Variants in NSUN3 observed in about 807,000 individuals in gnomAD.
The protein encoded by NSUN3 is NOP2/Sun RNA methyltransferase 3, also known as tRNA (cytosine(34)-C(5))-methyltransferase, mitochondrial.
A neutral mutation model predicts 36.8 loss-of-function variants in NSUN3; 24 were observed. The ratio of observed to expected loss-of-function variants is 0.65; its 90% CI spans 0.47 to 0.92. NSUN3 has a LOEUF of 0.92. Ranked by LOEUF, NSUN3 falls within the 40% of genes least tolerant of loss-of-function variation. NSUN3 has a pLI of 0.00. For synonymous variants in NSUN3, 146 were observed against 145.2 expected, an observed-to-expected ratio of 1.01 and a Z score of -0.04; for missense variants, 381 against 392.8, an observed-to-expected ratio of 0.97 and a Z score of 0.25.
chr3:94,079,309 A>T (rs2077259126), intron 2 of NSUN3, among the ~76,000 whole-genome samples: 1 of 152,170 alleles, frequency 6.6e-6, no homozygotes, highest in Non-Finnish European at 1.5e-5. Context: ...TGTTAGTCTG[A>T]TGCGCTTCCC....
chr3:94,096,070 AT>A (rs983681372), intron 5 of NSUN3, among the ~76,000 whole-genome samples: 1 of 152,014 alleles, frequency 6.6e-6, no homozygotes, highest in Non-Finnish European at 1.5e-5. Flanking sequence ...CTAAAGCAAA[AT>A]TATCTATAAT....
chr3:94,086,352 G>T (rs2107248954), intron 3 of NSUN3, among the ~76,000 whole-genome samples: 1 of 152,336 alleles, frequency 6.6e-6, no homozygotes, highest in Middle Eastern at 3.4e-3. Flanking sequence ...TGGGAAGCTT[G>T]CTTGTCATTT....
chr3:94,114,237 T>C (rs1257835501), intron 5 of NSUN3, among the ~76,000 whole-genome samples: 1 of 152,200 alleles, frequency 6.6e-6, no homozygotes, highest in Non-Finnish European at 1.5e-5. Flanking sequence ...TAGTATTTGC[T>C]TCAGGGCACA....
chr3:94,096,622 C>A (rs1195799961), intron 5 of NSUN3, among the ~76,000 whole-genome samples: 1 of 152,168 alleles, frequency 6.6e-6, no homozygotes, highest in African/African-American at 2.4e-5. Flanking sequence ...CCTCAGCCCC[C>A]CAAGTGGCTG....
intron 3 of NSUN3, among the ~76,000 whole-genome samples, chr3:94,086,231 T>C (rs1427212109): frequency 1.3e-5 from 2 of 152,198 alleles, no homozygotes; most frequent in Non-Finnish European, 2.9e-5. Context: ...TGTGCCTGGC[T>C]GACTTATTCA....
At chr3:94,084,487 A>C in intron 3 of NSUN3, 37 bp downstream of exon 3, 1 of 1,455,062 alleles carries the variant, frequency 6.9e-7, no homozygotes, top group Non-Finnish European at 9.5e-7. Context: ...ACAACTTTTT[A>C]ATATCTGTAT....
rs960724648 is a variant in NSUN3, at chr3:94,130,221, G to A, written c.*3731G>A. ...GACAGACTGTATAGATATATGAAGT[G>A]GGGGTGGGGGCCAAGGAGCTATTAC... On this transcript the variant is annotated 3_prime_UTR_variant, in exon 6 of 6. Transcript: ENST00000314622. Among the ~76,000 whole-genome samples, 13 of 152,152 alleles carry A rather than the reference G, an allele frequency of 8.5e-5. No homozygotes were observed. Among genetic ancestry groups the A allele is most frequent in the African/African-American group, 2.7e-4 (11 of 41,430 alleles).
At chr3:94,065,778 C>T (rs2077202130) in intron 2 of NSUN3, among the ~76,000 whole-genome samples, 1 of 152,108 alleles carries the variant, frequency 6.6e-6, no homozygotes, top group South Asian at 2.1e-4. Flanking sequence ...AGATGAAGAA[C>T]TGAATAATAA....
At chr3:94,087,496 A>G (rs1036122887) in intron 3 of NSUN3, among the ~76,000 whole-genome samples, 3 of 152,210 alleles carry the variant, frequency 2.0e-5, no homozygotes, top group East Asian at 1.9e-4. Flanking sequence ...GTTGTTGTCA[A>G]CATAGCCTTT....
intron 5 of NSUN3, among the ~76,000 whole-genome samples, chr3:94,113,857 CT>C (rs35063214): frequency 6.6e-6 from 1 of 152,152 alleles, no homozygotes; most frequent in Non-Finnish European, 1.5e-5. Context: ...GGACTAACTA[CT>C]TTTGAGTTTC....
At position 94,095,064 on chromosome 3, in the gene NSUN3, G is replaced by A. The variant is rs1347790163; in HGVS notation, c.653G>A (p.Arg218Gln). ...GTGGATGCTCCGTGTTCAAATGATCGAAGCTGGTTGTTTTCTTCTGACTCT... is the reference window on the plus strand; with the variant it reads ...GTGGATGCTCCGTGTTCAAATGATCAAAGCTGGTTGTTTTCTTCTGACTCT... ...VLVDAPCSNDRSWLFSSDSQK... is the reference protein window; with the variant it reads ...VLVDAPCSNDQSWLFSSDSQK... Residue 218 changes from arginine to glutamine, a missense_variant, in exon 5 of 6, where the codon CGA becomes CAA. Coordinates refer to ENST00000314622, the MANE Select transcript of NSUN3 (RefSeq NM_022072.5). 12 of 1,613,704 alleles carry A rather than the reference G, an allele frequency of 7.4e-6. No homozygotes were observed. The highest frequency in any genetic ancestry group is 5.5e-5 in the South Asian group (5 of 91,066).
At chr3:94,124,831 TTCTG>T (rs1226152720) in intron 5 of NSUN3, among the ~76,000 whole-genome samples, 1 of 152,158 alleles carries the variant, frequency 6.6e-6, no homozygotes, top group African/African-American at 2.4e-5. Flanking sequence ...TTTGTTGTTG[TTCTG>T]TCTGTTGAGA....
At chr3:94,116,683 A>G (rs1169751404) in intron 5 of NSUN3, among the ~76,000 whole-genome samples, 4 of 152,224 alleles carry the variant, frequency 2.6e-5, no homozygotes, top group African/African-American at 9.6e-5. Context: ...AAGATATTGT[A>G]TATAGTTTTA....
In NSUN3 at chr3:94,126,262, C is replaced by T. The variant is rs1330003068; in HGVS notation, c.795C>T (p.Cys265=). 2 of 1,614,056 alleles carry T rather than the reference C, an allele frequency of 1.2e-6. No homozygotes were observed. The highest frequency in any genetic ancestry group is 1.7e-5 in the Admixed American group (1 of 60,000). ...RPGGILVYST[C]TLSKAENQDV... ...GAGGGATACTTGTATACTCTACATG[C>T]ACGCTTTCCAAGGCAGAAAATCAAG... The change falls in exon 6 of 6, where the codon TGC becomes TGT. Residue 265 remains cysteine, a synonymous_variant. Transcript: ENST00000314622.
rs909883956 is a variant in NSUN3, at chr3:94,107,848, A to G, written c.743+12694A>G. 2.6e-5 allele frequency among the ~76,000 whole-genome samples: 4 copies of G among 152,208 alleles called. No individual in the cohort carries two copies. In the East Asian group the frequency reaches 7.7e-4, roughly 29 times the overall value. Reference sequence around the variant, plus strand: ...ATCAGAAATGAGACCACAATTGCTAAGTAGCTGCCCTCATTAACAGGCTAT... The same window carrying G: ...ATCAGAAATGAGACCACAATTGCTAGGTAGCTGCCCTCATTAACAGGCTAT... On this transcript the variant is annotated intron_variant, in intron 5 of 5. Coordinates refer to ENST00000314622, the MANE Select transcript of NSUN3 (RefSeq NM_022072.5).
intron 2 of NSUN3, among the ~76,000 whole-genome samples, chr3:94,079,066 T>C (rs1215118695): frequency 1.3e-5 from 2 of 152,208 alleles, no homozygotes; most frequent in Non-Finnish European, 2.9e-5. Flanking sequence ...TGGCTGGTAC[T>C]GGTTGTTCCT....
intron 4 of NSUN3, among the ~76,000 whole-genome samples, chr3:94,094,682 T>C (rs1045500348): frequency 1.3e-5 from 2 of 152,220 alleles, no homozygotes; most frequent in African/African-American, 4.8e-5. Flanking sequence ...AAATAAGTGC[T>C]GAGAATTCAG....
At chr3:94,107,135 T>C (rs530619921) in intron 5 of NSUN3, among the ~76,000 whole-genome samples, 104 of 152,344 alleles carry the variant, frequency 6.8e-4, no homozygotes, top group African/African-American at 2.3e-3. Context: ...TTTGCCATGT[T>C]GCTCAGGCTG....
At chr3:94,073,119 G>A (rs751431321) in intron 2 of NSUN3, among the ~76,000 whole-genome samples, 9 of 152,122 alleles carry the variant, frequency 5.9e-5, no homozygotes, top group South Asian at 2.1e-4. Context: ...ATGTCCCCGC[G>A]AAGGACGTGA....
Sources: gnomAD v4.1 joint callset for allele counts (sites outside exome capture counted in the v4.1 genomes callset) on GRCh38, gnomAD v4.1.1 for gene constraint, MANE v1.5 for transcripts, NCBI Gene and HGNC (gene_info 2026-07-23, HGNC 2026-07-21) for gene names.